The following TMEM25 variants were observed in gnomAD, a reference collection of about 807,000 sequenced individuals.
TMEM25 encodes the protein 0610039J01Rik.
In TMEM25, 36 loss-of-function variants were observed where a neutral mutation model predicts 37.0. The ratio of observed to expected loss-of-function variants is 0.97; its 90% CI spans 0.75 to 1.28. The LOEUF is 1.28. Ranked by LOEUF, TMEM25 falls within the 50% of genes most tolerant of loss-of-function variation. The pLI is 0.00. For missense variants in TMEM25, 444 were observed against 477.9 expected (o/e 0.93, Z 0.66); for synonymous variants, 197 against 203.7 (o/e 0.97, Z 0.28).
chr11:118,534,004 A>C lies in TMEM25; in HGVS notation c.837-25A>C, dbSNP rs782236808. On this transcript the variant is annotated intron_variant, in intron 6 of 8. Transcript: ENST00000313236. This position sits in a 1 kb window ranked among gnomAD's most constrained non-coding sequence, Gnocchi z 4.6. ...AGTGCCTGTGCCGGGACTCATATCC[A>C]TCCCGAACTTTGTCCTCCCTGTAGT... 6.2e-7 allele frequency: 1 copy of C among 1,613,836 alleles called. No individual in the cohort carries two copies. The highest frequency in any genetic ancestry group is 1.1e-5 in the South Asian group (1 of 91,070).
At chr11:118,537,830 C>T (rs1555064150), downstream of TMEM25, among the ~76,000 whole-genome samples, 1 of 152,024 alleles carries the variant, frequency 6.6e-6, no homozygotes, top group Non-Finnish European at 1.5e-5. Flanking sequence ...GCGGGTGGAT[C>T]GCTTGAACCC....
At chr11:118,532,004 C>A in intron 2 of TMEM25, 133 bp downstream of exon 2, 1 of 1,365,766 alleles carries the variant, frequency 7.3e-7, no homozygotes, top group Non-Finnish European at 9.9e-7. Context: ...ACCCACCTAC[C>A]CTAGGTCCAA....
intron 5 of TMEM25, 116 bp downstream of exon 5, chr11:118,533,667 G>T: frequency 6.3e-7 from 1 of 1,588,614 alleles, no homozygotes; most frequent in Non-Finnish European, 8.6e-7. Flanking sequence ...ACTTCCAGGG[G>T]GTGGCCATGG....
chr11:118,538,178 G>A (rs73022042), downstream of TMEM25, among the ~76,000 whole-genome samples: 25,102 of 151,828 alleles, frequency 0.17, 2,574 homozygotes, highest in East Asian at 0.49. Context: ...ATTATTATTT[G>A]TTTATTTTTT....
Position 118,535,357 on chromosome 11 carries a change from AT to A in TMEM25, c.*781del. ...CCAGGACGGCTTGTAGCTATGCATC[AT>A]TTTCCTACGGCGTTAGCACTTTAAG... On this transcript the variant is annotated 3_prime_UTR_variant, in exon 9 of 9. Coordinates refer to ENST00000313236, the MANE Select transcript of TMEM25 (RefSeq NM_032780.4). 2 of 1,397,502 alleles carry A rather than the reference AT, an allele frequency of 1.4e-6. No individual in the cohort carries two copies. The highest frequency in any genetic ancestry group is 1.9e-6 in the Non-Finnish European group (2 of 1,078,870). The allele number at this position is 1,397,502 out of a possible 1,614,324, so 86.6% of individuals were successfully genotyped here. A position where few individuals can be genotyped will look rare whatever the true frequency, so the allele number is the denominator to read the frequency against.
intron 8 of TMEM25, among the ~76,000 whole-genome samples, chr11:118,543,199 T>TGTCAGCTCAAAGTTTGTC (rs1951603785): frequency 6.6e-6 from 1 of 152,154 alleles, no homozygotes; most frequent in Non-Finnish European, 1.5e-5. Context: ...GCCTCAGTTT[T>TGTCAGCTCAAAGTTTGTC]GTCAGCTCAA....
chr11:118,532,278 CT>C lies in TMEM25; in HGVS notation c.200del (p.Leu67ArgfsTer14). ...GPGTPRLAWY[L>X]DGQLQEASTS... The stretch of plus-strand genomic sequence containing the variant: ...TGGCACCCCCAGATTGGCCTGGTAT[CT>C]GGATGGACAGCTGCAGGAGGCCAGC... On this transcript the variant is annotated frameshift_variant, in exon 3 of 9. Coordinates refer to ENST00000313236, the MANE Select transcript of TMEM25 (RefSeq NM_032780.4). LOFTEE classifies it high-confidence loss of function. 1 of 1,614,164 alleles carries C rather than the reference CT, an allele frequency of 6.2e-7. No individual in the cohort carries two copies. The highest frequency in any genetic ancestry group is 8.5e-7 in the Non-Finnish European group (1 of 1,180,018).
Position 118,533,440 on chromosome 11 carries a change from G to A in TMEM25, c.694G>A (p.Glu232Lys), listed in dbSNP as rs1555060875. Reference protein sequence around the residue: ...PAPGLLATRVEVPLLGIVVAA... With the variant: ...PAPGLLATRVKVPLLGIVVAA... ...TCCAGGGCTTCTGGCTACCCGGGTGGAAGTGCCACTGCTGGGCATTGTTGT... is the reference window on the plus strand; with the variant it reads ...TCCAGGGCTTCTGGCTACCCGGGTGAAAGTGCCACTGCTGGGCATTGTTGT... The change falls in exon 5 of 9, where the codon GAA becomes AAA. Residue 232 changes from glutamate (E) to lysine (K), a missense_variant. Physicochemically the swap from Glu to Lys is moderately conservative, Grantham distance 56. Transcript: ENST00000313236. The A allele has an allele frequency of 1.2e-6, 2 of 1,614,002 alleles. No individual in the cohort carries two copies. The highest frequency in any genetic ancestry group is 4.5e-5 in the East Asian group (2 of 44,874).
intron 8 of TMEM25, among the ~76,000 whole-genome samples, chr11:118,541,480 G>GAAAAA (rs1951578467): frequency 3.0e-5 from 4 of 133,864 alleles, no homozygotes; most frequent in African/African-American, 5.9e-5. Context: ...AAAAAAAAAA[G>GAAAAA]AAAAAGAAAC....
chr11:118,541,882 C>T (rs1038030485), intron 8 of TMEM25, among the ~76,000 whole-genome samples: 6 of 152,184 alleles, frequency 3.9e-5, no homozygotes, highest in South Asian at 2.1e-4. Context: ...CTCAGCCTCT[C>T]GAGTAGCTGG....
At position 118,534,471 on chromosome 11, in the gene TMEM25, G is replaced by A. The variant is rs782792546; in HGVS notation, c.1028-36G>A. On this transcript the variant is annotated intron_variant, in intron 8 of 8. Transcript: ENST00000313236. The surrounding 1 kb of genome is among the most constrained non-coding windows in gnomAD (Gnocchi z 4.6). Reference sequence around the variant, plus strand: ...GCTCTCCAAATTCCAAGGAACAAGCGTTACTGAGTCCCCGCGGGCTTCTTT... The same window carrying A: ...GCTCTCCAAATTCCAAGGAACAAGCATTACTGAGTCCCCGCGGGCTTCTTT... 1.9e-5 allele frequency: 31 copies of A among 1,613,516 alleles called. No individual in the cohort carries two copies. Among genetic ancestry groups the A allele is most frequent in the Middle Eastern group, 1.7e-4 (1 of 5,876 alleles).
downstream of TMEM25, chr11:118,546,543 G>C (rs1444875877): frequency 9.6e-6 from 2 of 208,314 alleles, no homozygotes; most frequent in African/African-American, 4.6e-5. Flanking sequence ...ATTGATCTTG[G>C]ACTACTACTG....
chr11:118,534,967 G>T lies in TMEM25; in HGVS notation c.*387G>T, dbSNP rs1555062486. On this transcript the variant is annotated 3_prime_UTR_variant, in exon 9 of 9. Coordinates refer to ENST00000313236, the MANE Select transcript of TMEM25 (RefSeq NM_032780.4). This position sits in a 1 kb window ranked among gnomAD's most constrained non-coding sequence, Gnocchi z 4.6. ...CCACAGCACCTTGTACAGTAGGCAT[G>T]GGGGCGTGCCTGTGTGGGGGACAGG... 11 of 1,071,176 alleles carry T rather than the reference G, an allele frequency of 1.0e-5. No homozygotes were observed. The highest frequency in any genetic ancestry group is 1.2e-5 in the Non-Finnish European group (11 of 883,418). 66.4% of individuals were successfully genotyped at this position (1,071,176 alleles called of 1,614,324 possible). A position where few individuals can be genotyped will look rare whatever the true frequency, so the allele number is the denominator to read the frequency against.
intron 8 of TMEM25, among the ~76,000 whole-genome samples, chr11:118,541,354 C>T (rs1023669745): frequency 6.7e-6 from 1 of 149,478 alleles, no homozygotes; most frequent in Non-Finnish European, 1.5e-5. Flanking sequence ...CCTAACTACT[C>T]GGGAGGCTGA....
chr11:118,533,458 A>T lies in TMEM25; in HGVS notation c.712A>T (p.Ile238Phe). ...ATRVEVPLLG[I>F]VVAAGLALGT... is the part of the protein sequence containing the mutation. ...CCGGGTGGAAGTGCCACTGCTGGGC[A>T]TTGTTGTGGCTGCTGGGCTTGCACT... is the stretch of plus-strand genomic sequence containing the variant. The change falls in exon 5 of 9, where the codon ATT becomes TTT. Residue 238 changes from isoleucine (I) to phenylalanine (F), a missense_variant. Physicochemically the swap from Ile to Phe is conservative, Grantham distance 21 (BLOSUM62 0). Coordinates refer to ENST00000313236, the MANE Select transcript of TMEM25 (RefSeq NM_032780.4). The T allele has an allele frequency of 6.2e-7, 1 of 1,614,094 alleles. No individual in the cohort carries two copies. Among genetic ancestry groups the T allele is most frequent in the Non-Finnish European group, 8.5e-7 (1 of 1,180,008 alleles).
chr11:118,535,512 T>C lies in TMEM25; in HGVS notation c.*932T>C. The C allele has an allele frequency of 6.5e-7, 1 of 1,532,104 alleles. No individual in the cohort carries two copies. The highest frequency in any genetic ancestry group is 8.7e-7 in the Non-Finnish European group (1 of 1,144,176). 94.9% of individuals were successfully genotyped at this position (1,532,104 alleles called of 1,614,324 possible). A position where few individuals can be genotyped will look rare whatever the true frequency, so the allele number is the denominator to read the frequency against. On this transcript the variant is annotated 3_prime_UTR_variant, in exon 9 of 9. Transcript: ENST00000313236. ...GGTTGATGGTTTTTCTCTCAGCATG[T>C]CTCCTCCACCACGGGACCCCAGCCC... is the stretch of plus-strand genomic sequence containing the variant.
In TMEM25 at chr11:118,534,469, G is replaced by A. The variant is rs782505053; in HGVS notation, c.1028-38G>A. On this transcript the variant is annotated intron_variant, in intron 8 of 8. Transcript: ENST00000313236. The surrounding 1 kb of genome is among the most constrained non-coding windows in gnomAD (Gnocchi z 4.6). ...GAGCTCTCCAAATTCCAAGGAACAA[G>A]CGTTACTGAGTCCCCGCGGGCTTCT... 1.9e-6 allele frequency: 3 copies of A among 1,613,530 alleles called. No individual in the cohort carries two copies. The highest frequency in any genetic ancestry group is 1.3e-5 in the African/African-American group (1 of 75,022).
At chr11:118,533,279 G>T in intron 4 of TMEM25, 72 bp downstream of exon 4, 1 of 1,558,354 alleles carries the variant, frequency 6.4e-7, no homozygotes, top group South Asian at 1.2e-5. Context: ...TACAGAAATG[G>T]GAATACTTGT....
Position 118,534,300 on chromosome 11 carries a change from C to G in TMEM25, c.972C>G (p.Asn324Lys). ...VKPADRQMAQ[N>K]NSRPELLDPE... is the part of the protein sequence containing the mutation. ...CAGCAGACCGGCAGATGGCTCAGAACAACAGCCGGCCAGAGCTTCTGGACC... is the reference window on the plus strand; with the variant it reads ...CAGCAGACCGGCAGATGGCTCAGAAGAACAGCCGGCCAGAGCTTCTGGACC... The change falls in exon 8 of 9, where the codon AAC (asparagine) becomes AAG (lysine). Residue 324 changes from asparagine to lysine, a missense_variant. Coordinates refer to ENST00000313236, the MANE Select transcript of TMEM25 (RefSeq NM_032780.4). This position sits in a 1 kb window ranked among gnomAD's most constrained non-coding sequence, Gnocchi z 4.6. 1 of 1,614,222 alleles carries G rather than the reference C, an allele frequency of 6.2e-7. No individual in the cohort carries two copies. Among genetic ancestry groups the G allele is most frequent in the Non-Finnish European group, 8.5e-7 (1 of 1,180,042 alleles).
Sources: allele counts gnomAD v4.1 joint callset (sites outside exome capture counted in the v4.1 genomes callset), GRCh38; gene constraint gnomAD v4.1.1; non-coding constraint Gnocchi (gnomAD v3.1); transcripts MANE v1.5; gene names NCBI Gene and HGNC (gene_info 2026-07-23, HGNC 2026-07-21).